The following ALDH1A1 variants were observed in gnomAD, a reference collection of about 807,000 sequenced individuals.
The protein encoded by ALDH1A1 is aldehyde dehydrogenase 1 family member A1.
Under a neutral mutation model 62.1 loss-of-function variants are expected in ALDH1A1, and 19 were observed. The ratio of observed to expected loss-of-function variants is 0.31; its 90% CI spans 0.21 to 0.45. The LOEUF is 0.45. ALDH1A1 is among the 20% of genes least tolerant of loss of function. ALDH1A1 has a pLI of 1.00. For missense variants in ALDH1A1, 521 were observed against 607.1 expected (o/e 0.86, Z 1.49); for synonymous variants, 231 against 215.9 (o/e 1.07, Z -0.61).
chr9:72,917,105 C>A lies in ALDH1A1; in HGVS notation c.851-1G>T, dbSNP rs879059866. Reference sequence around the variant, plus strand: ...TGTGCAAATTCAACAGCATTGTCCACTGCGAAGAAGACATTCACATTAAAG... The same window carrying A: ...TGTGCAAATTCAACAGCATTGTCCAATGCGAAGAAGACATTCACATTAAAG... On this transcript the variant is annotated splice_acceptor_variant, in intron 8 of 12. Transcript: ENST00000297785. LOFTEE classifies it high-confidence loss of function. 1 of 1,545,646 alleles carries A rather than the reference C, an allele frequency of 6.5e-7. No individual in the cohort carries two copies. The highest frequency in any genetic ancestry group is 8.7e-7 in the Non-Finnish European group (1 of 1,145,894).
intron 6 of ALDH1A1, among the ~76,000 whole-genome samples, chr9:72,924,650 T>C (rs1195342531): frequency 2.0e-5 from 3 of 152,160 alleles, no homozygotes; most frequent in Non-Finnish European, 4.4e-5. Context: ...ACATCACAGG[T>C]TGATTTCAAT....
At chr9:72,908,590 AG>A (rs1829929474) in intron 11 of ALDH1A1, among the ~76,000 whole-genome samples, 2 of 146,764 alleles carry the variant, frequency 1.4e-5, no homozygotes, top group Admixed American at 6.8e-5. Flanking sequence ...AAAGAAAGAA[AG>A]AAAGAAAGAA....
intron 2 of ALDH1A1, among the ~76,000 whole-genome samples, chr9:72,932,419 A>G (rs758341597): frequency 6.6e-6 from 1 of 152,170 alleles, no homozygotes; most frequent in Non-Finnish European, 1.5e-5. Flanking sequence ...TAAAATACAA[A>G]AAAACTATTC....
chr9:72,904,365 T>C (rs1829847292), intron 12 of ALDH1A1, among the ~76,000 whole-genome samples: 1 of 152,120 alleles, frequency 6.6e-6, no homozygotes, highest in African/African-American at 2.4e-5. Flanking sequence ...ATCTGTATCA[T>C]ATGTTACTCT....
At chr9:72,941,198 A>G (rs1051670826) in intron 1 of ALDH1A1, among the ~76,000 whole-genome samples, 1 of 152,198 alleles carries the variant, frequency 6.6e-6, no homozygotes, top group Non-Finnish European at 1.5e-5. Context: ...CTGGATTATA[A>G]CATATATCCT....
intron 2 of ALDH1A1, 109 bp from the exon 3 acceptor site, chr9:72,931,128 G>A: frequency 8.2e-7 from 1 of 1,221,630 alleles, no homozygotes; most frequent in South Asian, 1.4e-5. Flanking sequence ...CAGGCACTGT[G>A]TCTCCATTAT....
intron 1 of ALDH1A1, among the ~76,000 whole-genome samples, chr9:72,942,091 C>T (rs1469167): frequency 0.88 from 134,448 of 152,182 alleles, 60,235 homozygotes; most frequent in East Asian, 0.96. Context: ...GGAAAAAACA[C>T]TAGGCTCTTA....
chr9:72,940,526 C>T (rs1830403494), intron 1 of ALDH1A1, among the ~76,000 whole-genome samples: 1 of 152,144 alleles, frequency 6.6e-6, no homozygotes, highest in Non-Finnish European at 1.5e-5. Flanking sequence ...AATGCTTTTA[C>T]CTGAAATGGC....
intron 12 of ALDH1A1, among the ~76,000 whole-genome samples, chr9:72,902,735 C>T (rs897997826): frequency 2.0e-5 from 3 of 151,868 alleles, no homozygotes; most frequent in African/African-American, 7.2e-5. Context: ...GATTCCTATG[C>T]CTATACTATA....
intron 10 of ALDH1A1, 136 bp from the exon 11 acceptor site, chr9:72,909,895 A>C (rs776342597): frequency 1.6e-5 from 11 of 674,242 alleles, no homozygotes; most frequent in Non-Finnish European, 2.5e-5. Context: ...TATGTGTGAG[A>C]ATCCAAATAG....
intron 8 of ALDH1A1, among the ~76,000 whole-genome samples, chr9:72,917,387 T>C (rs927845702): frequency 6.6e-6 from 1 of 152,106 alleles, no homozygotes; most frequent in Non-Finnish European, 1.5e-5. Flanking sequence ...AGACCAAATC[T>C]CTTTGGAAAT....
intron 12 of ALDH1A1, among the ~76,000 whole-genome samples, chr9:72,904,643 A>G (rs533773560): frequency 3.3e-4 from 50 of 152,102 alleles, no homozygotes; most frequent in African/African-American, 1.1e-3. Flanking sequence ...TAAAAGATCT[A>G]TTTTCTTCTT....
intron 3 of ALDH1A1, 118 bp downstream of exon 3, chr9:72,930,761 G>A: frequency 8.2e-7 from 1 of 1,226,410 alleles, no homozygotes; most frequent in South Asian, 1.5e-5. Context: ...GACAAAAAAT[G>A]TTTTCATTTT....
chr9:72,936,042 C>T (rs1203515209), intron 2 of ALDH1A1, among the ~76,000 whole-genome samples: 1 of 152,150 alleles, frequency 6.6e-6, no homozygotes, highest in Admixed American at 6.5e-5. Flanking sequence ...TTTATACCAT[C>T]AACATTTTAG....
intron 10 of ALDH1A1, among the ~76,000 whole-genome samples, chr9:72,910,972 T>C (rs780228030): frequency 8.5e-5 from 13 of 152,186 alleles, no homozygotes; most frequent in Non-Finnish European, 1.5e-4. Flanking sequence ...TGTATATTAA[T>C]ATATTATAGG....
intron 1 of ALDH1A1, among the ~76,000 whole-genome samples, chr9:72,951,573 T>C (rs1466545003): frequency 6.6e-6 from 1 of 151,882 alleles, no homozygotes. Context: ...ATTTTGAGCT[T>C]CATGAAATGT....
chr9:72,939,804 CA>C (rs892017172), intron 2 of ALDH1A1, among the ~76,000 whole-genome samples: 1 of 152,056 alleles, frequency 6.6e-6, no homozygotes, highest in Non-Finnish European at 1.5e-5. Flanking sequence ...AGGTGTGAGC[CA>C]CAGCGCCCAG....
chr9:72,924,769 A>T (rs965148717), intron 6 of ALDH1A1, among the ~76,000 whole-genome samples: 1 of 152,192 alleles, frequency 6.6e-6, no homozygotes, highest in Non-Finnish European at 1.5e-5. Context: ...CCCTGTTTTT[A>T]ATTTCAATAA....
At chr9:72,925,438 T>A in intron 6 of ALDH1A1, 46 bp downstream of exon 6, 1 of 1,601,006 alleles carries the variant, frequency 6.2e-7, no homozygotes, top group Non-Finnish European at 8.5e-7. Flanking sequence ...TATTGTAATT[T>A]AGGATTCTTG....
Sources: gnomAD v4.1 joint callset for allele counts (sites outside exome capture counted in the v4.1 genomes callset) on GRCh38, gnomAD v4.1.1 for gene constraint, MANE v1.5 for transcripts, NCBI Gene and HGNC (gene_info 2026-07-23, HGNC 2026-07-21) for gene names.